CMIP: variants seen among roughly 807,000 people sequenced by gnomAD.
CMIP encodes C-Maf-inducing protein.
A neutral mutation model predicts 97.3 loss-of-function variants in CMIP; 13 were observed. The observed-to-expected ratio is 0.13, with a 90% CI of 0.09 to 0.21. CMIP has a LOEUF of 0.21. Ranked by LOEUF, CMIP falls within the 10% of genes least tolerant of loss-of-function variation. The pLI is 1.00. For synonymous variants in CMIP, 538 were observed against 436.3 expected (o/e 1.23, Z -2.91); for missense variants, 847 against 1,024.9 (o/e 0.83, Z 2.37).
At chr16:81,670,097 C>A (rs753759224) in intron 7 of CMIP, 45 bp from the exon 8 acceptor site, 2 of 1,562,260 alleles carry the variant, frequency 1.3e-6, no homozygotes, top group Admixed American at 1.9e-5. Flanking sequence ...GGGCTCCTGC[C>A]CTGCCTAGCA....
chr16:81,526,851 G>T (rs181681234), intron 1 of CMIP, among the ~76,000 whole-genome samples: 5 of 152,218 alleles, frequency 3.3e-5, no homozygotes, highest in Non-Finnish European at 7.3e-5. Flanking sequence ...TCCTTTGGAA[G>T]GGCCCTGAGC....
chr16:81,481,855 C>G (rs934289962), intron 1 of CMIP, among the ~76,000 whole-genome samples: 4 of 151,014 alleles, frequency 2.6e-5, no homozygotes, highest in Non-Finnish European at 5.9e-5. Context: ...CACATCTCCT[C>G]TGGCTCTGGC....
intron 1 of CMIP, among the ~76,000 whole-genome samples, chr16:81,581,905 G>C (rs2091302621): frequency 6.6e-6 from 1 of 152,158 alleles, no homozygotes; most frequent in African/African-American, 2.4e-5. Flanking sequence ...AAATACCTGA[G>C]ACTGGGTAAT....
intron 1 of CMIP, among the ~76,000 whole-genome samples, chr16:81,461,104 C>A (rs964567186): frequency 2.0e-5 from 3 of 152,176 alleles, no homozygotes; most frequent in African/African-American, 7.2e-5. Flanking sequence ...CCAGGCAAAA[C>A]CCATTGTTCT....
chr16:81,580,267 A>C (rs939709821), intron 1 of CMIP, among the ~76,000 whole-genome samples: 1 of 152,162 alleles, frequency 6.6e-6, no homozygotes, highest in Non-Finnish European at 1.5e-5. Context: ...CAGAGAAGCG[A>C]GGTGCCCTAT....
intron 1 of CMIP, among the ~76,000 whole-genome samples, chr16:81,521,236 G>A (rs916558020): frequency 6.6e-6 from 1 of 152,236 alleles, no homozygotes; most frequent in African/African-American, 2.4e-5. Flanking sequence ...GCCTTCCTGA[G>A]TGGCCTCTGC....
At chr16:81,672,607 G>A (rs972583183) in intron 9 of CMIP, among the ~76,000 whole-genome samples, 2 of 152,124 alleles carry the variant, frequency 1.3e-5, no homozygotes, top group Non-Finnish European at 1.5e-5. Context: ...GTCTCACCCT[G>A]TCACTTAGGT....
At chr16:81,492,061 C>T (rs770439470) in intron 1 of CMIP, among the ~76,000 whole-genome samples, 11 of 152,172 alleles carry the variant, frequency 7.2e-5, no homozygotes, top group Non-Finnish European at 1.2e-4. Context: ...TGAATATCTG[C>T]GTGCCTGTAG....
intron 1 of CMIP, among the ~76,000 whole-genome samples, chr16:81,514,419 A>C (rs2150795644): frequency 6.6e-6 from 1 of 152,332 alleles, no homozygotes; most frequent in East Asian, 1.9e-4. Flanking sequence ...TGCAGTGGTC[A>C]GGAGTGTGAC....
At chr16:81,580,548 C>G (rs1404352632) in intron 1 of CMIP, among the ~76,000 whole-genome samples, 1 of 151,418 alleles carries the variant, frequency 6.6e-6, no homozygotes, top group Non-Finnish European at 1.5e-5. Flanking sequence ...ATTCTTGTGC[C>G]TCAGCCTCCC....
intron 4 of CMIP, 96 bp from the exon 5 acceptor site, chr16:81,657,679 G>C: frequency 9.9e-7 from 1 of 1,014,958 alleles, no homozygotes; most frequent in East Asian, 2.7e-5. Context: ...TGACGCTGAA[G>C]ATGTTTCAAA....
intron 1 of CMIP, among the ~76,000 whole-genome samples, chr16:81,570,458 T>C (rs1370950637): frequency 6.6e-6 from 1 of 152,124 alleles, no homozygotes; most frequent in Non-Finnish European, 1.5e-5. Context: ...TGAGCCTCGG[T>C]GTATTTTTTT....
Position 81,620,628 on chromosome 16 carries a change from A to T in CMIP, c.427-248A>T, listed in dbSNP as rs186821289. 1.3e-5 allele frequency: 6 copies of T among 479,708 alleles called. No individual in the cohort carries two copies. In the East Asian group the frequency reaches 2.3e-4, roughly 18 times the overall value. 29.7% of individuals were successfully genotyped at this position (479,708 alleles called of 1,614,324 possible). On this transcript the variant is annotated intron_variant, in intron 2 of 20. Transcript: ENST00000537098. ...AAGTCAGCAGTGTCTGAAGTCACTC[A>T]TATACAGCAAAGGAAGCACACGGTG...
At chr16:81,661,788 G>T (rs1029538572) in intron 6 of CMIP, among the ~76,000 whole-genome samples, 1 of 151,966 alleles carries the variant, frequency 6.6e-6, no homozygotes, top group African/African-American at 2.4e-5. Context: ...CTGTGTATGT[G>T]TCAGGGGACG....
intron 1 of CMIP, among the ~76,000 whole-genome samples, chr16:81,585,149 C>G (rs2091360653): frequency 6.6e-6 from 1 of 152,030 alleles, no homozygotes; most frequent in African/African-American, 2.4e-5. Flanking sequence ...TGAGACCAGC[C>G]TGGCCAATAT....
chr16:81,654,066 C>G (rs2099836045), intron 4 of CMIP, among the ~76,000 whole-genome samples: 1 of 152,196 alleles, frequency 6.6e-6, no homozygotes. Flanking sequence ...TTGGCCACCA[C>G]TTCAGCGCCA....
intron 10 of CMIP, among the ~76,000 whole-genome samples, chr16:81,689,810 C>G (rs575653409): frequency 1.3e-5 from 2 of 152,198 alleles, no homozygotes; most frequent in African/African-American, 4.8e-5. Flanking sequence ...AGTCTTTAAT[C>G]CATCTTGAAT....
At chr16:81,599,307 G>A (rs1395520109) in intron 1 of CMIP, among the ~76,000 whole-genome samples, 1 of 152,122 alleles carries the variant, frequency 6.6e-6, no homozygotes, top group Non-Finnish European at 1.5e-5. Context: ...ATTTCTTCTG[G>A]GACCAAGGCC....
rs1908630212 is a variant in CMIP, at chr16:81,710,407, GT to G, written c.*609del. On this transcript the variant is annotated 3_prime_UTR_variant, in exon 21 of 21. Transcript: ENST00000537098. ...CCTCTTATTTATGAAGTCTTTGACC[GT>G]CCCCCCCGCCCGACCCCACCGCCCT... The G allele has an allele frequency of 6.6e-6, 1 of 152,494 alleles. No individual in the cohort carries two copies. The highest frequency in any genetic ancestry group is 1.4e-5 in the Non-Finnish European group (1 of 69,140). 9.4% of individuals were successfully genotyped at this position (152,494 alleles called of 1,614,324 possible). A position where few individuals can be genotyped will look rare whatever the true frequency, so the allele number is the denominator to read the frequency against.
Sources: gnomAD v4.1 joint callset for allele counts (sites outside exome capture counted in the v4.1 genomes callset) on GRCh38, gnomAD v4.1.1 for gene constraint, MANE v1.5 for transcripts, NCBI Gene and HGNC (gene_info 2026-07-23, HGNC 2026-07-21) for gene names.